The following FAM53C variants were observed in gnomAD, a reference collection of about 807,000 sequenced individuals.
FAM53C encodes the protein protein FAM53C.
FAM53C carries 10 observed loss-of-function variants against 34.7 expected under a neutral mutation model. The ratio of observed to expected loss-of-function variants is 0.29; its 90% CI spans 0.18 to 0.49. The LOEUF (loss-of-function observed/expected upper bound fraction) is 0.49, where lower values mean the gene tolerates loss of function less well. FAM53C is among the 20% of genes least tolerant of loss of function. FAM53C has a pLI of 0.99. For synonymous variants in FAM53C, 203 were observed against 203.6 expected (o/e 1.00, Z 0.03); for missense variants, 442 against 515.3 (o/e 0.86, Z 1.38).
upstream of FAM53C, chr5:138,338,180 G>A: frequency 7.8e-7 from 1 of 1,289,112 alleles, no homozygotes; most frequent in Non-Finnish European, 1.0e-6. Flanking sequence ...GATTCTGCGA[G>A]CCGGAGCTGT....
chr5:138,342,340 G>C (rs1218024627), intron 3 of FAM53C: 1 of 154,114 alleles, frequency 6.5e-6, no homozygotes, highest in Non-Finnish European at 1.4e-5. Context: ...TCGTTACATA[G>C]GTGTACATGT....
chr5:138,344,990 C>G lies in FAM53C; in HGVS notation c.302C>G (p.Pro101Arg). The part of the protein sequence containing the change: ...PFSQVLRPEP[P>R]DPEKLPVPPA... ...TCCCAAGTCCTAAGACCTGAGCCCC[C>G]AGATCCAGAGAAGCTTCCTGTGCCC... is the stretch of plus-strand genomic sequence containing the variant. The change falls in exon 4 of 5, where the codon CCA (proline) becomes CGA (arginine). Residue 101 changes from proline to arginine, a missense_variant. By Grantham distance (103) the Pro-to-Arg change is moderately radical. Coordinates refer to ENST00000239906, the MANE Select transcript of FAM53C (RefSeq NM_016605.3). 6.2e-7 allele frequency: 1 copy of G among 1,613,928 alleles called. No homozygotes were observed. Among genetic ancestry groups the G allele is most frequent in the Non-Finnish European group, 8.5e-7 (1 of 1,179,904 alleles).
chr5:138,344,860 TG>T lies in FAM53C; in HGVS notation c.173del (p.Cys58LeufsTer17). Reference protein sequence around the residue: ...ASWRGLPHCSCAEFQDSLNFS... With the variant: ...ASWRGLPHCSXAEFQDSLNFS... ...CTGGAGGGGCCTGCCCCACTGTTCC[TG>T]TGCTGAGTTCCAGGACAGCCTCAAC... is the stretch of plus-strand genomic sequence containing the variant. On this transcript the variant is annotated frameshift_variant, in exon 4 of 5. Coordinates refer to ENST00000239906, the MANE Select transcript of FAM53C (RefSeq NM_016605.3). LOFTEE classifies it high-confidence loss of function. The T allele has an allele frequency of 6.3e-7, 1 of 1,598,440 alleles. No homozygotes were observed. Among genetic ancestry groups the T allele is most frequent in the Admixed American group, 1.8e-5 (1 of 57,110 alleles).
At chr5:138,341,784 A>G (rs899400564) in intron 2 of FAM53C, 25 bp from the exon 3 acceptor site, 3 of 1,611,284 alleles carry the variant, frequency 1.9e-6, no homozygotes, top group Admixed American at 3.3e-5. Flanking sequence ...AATCCAAATC[A>G]TGATGGATAT....
rs541850859 is a variant in FAM53C at position 138,345,536 on chromosome 5, C to A, written c.848C>A (p.Thr283Asn). The A allele has an allele frequency of 1.2e-6, 2 of 1,614,018 alleles. No homozygotes were observed. Among genetic ancestry groups the A allele is most frequent in the Admixed American group, 1.7e-5 (1 of 60,016 alleles). ...SQPCDLDARK[T>N]GVKRRHEEDP... The stretch of plus-strand genomic sequence containing the variant: ...CCTTGTGATCTGGATGCCCGCAAAA[C>A]TGGGGTCAAGCGGCGCCACGAGGAA... The change falls in exon 4 of 5, where the codon ACT (threonine) becomes AAT (asparagine). Residue 283 changes from threonine (T) to asparagine (N), a missense_variant. Transcript: ENST00000239906. This position sits in a 1 kb window ranked among gnomAD's most constrained non-coding sequence, Gnocchi z 6.3.
rs1580852037 is a variant in FAM53C, at chr5:138,339,754, G to A, written c.-152-1430G>A. Among the ~76,000 whole-genome samples, 8 of 152,294 alleles carry A rather than the reference G, an allele frequency of 5.3e-5. 1 individual carries two copies. The highest frequency in any genetic ancestry group is 5.2e-4 in the Admixed American group (8 of 15,302). On this transcript the variant is annotated intron_variant, in intron 1 of 4. Coordinates refer to ENST00000239906, the MANE Select transcript of FAM53C (RefSeq NM_016605.3). Reference sequence around the variant, plus strand: ...CGGAAGCTAGAATTTTGTTCAGGGTGGTAATAATTATGCATGAAAATGATA... The same window carrying A: ...CGGAAGCTAGAATTTTGTTCAGGGTAGTAATAATTATGCATGAAAATGATA...
upstream of FAM53C, chr5:138,337,950 G>A: frequency 7.8e-7 from 1 of 1,289,178 alleles, no homozygotes; most frequent in Non-Finnish European, 1.0e-6. Flanking sequence ...CGATGCCTTT[G>A]TTTACCTTCT....
intron 4 of FAM53C, 135 bp from the exon 5 acceptor site, chr5:138,346,567 T>C: frequency 9.1e-7 from 1 of 1,099,942 alleles, no homozygotes; most frequent in African/African-American, 1.6e-5. Flanking sequence ...GAGCTTGCAG[T>C]GAGCCAAGAT....
rs746064598 is a variant in FAM53C, at chr5:138,338,300, G to T, written c.-160G>T. 80 of 638,976 alleles carry T rather than the reference G, an allele frequency of 1.3e-4. No homozygotes were observed. Among genetic ancestry groups the T allele is most frequent in the Admixed American group, 3.1e-4 (13 of 41,738 alleles). 39.6% of individuals were successfully genotyped at this position (638,976 alleles called of 1,614,324 possible). A position where few individuals can be genotyped will look rare whatever the true frequency, so the allele number is the denominator to read the frequency against. ...CCGGCCGCGGCCCTGGGAGCTGGAG[G>T]AACCGCGGTAGGTGGTGGAGGGCAG... On this transcript the variant is annotated 5_prime_UTR_variant, in exon 1 of 5. Coordinates refer to ENST00000239906, the MANE Select transcript of FAM53C (RefSeq NM_016605.3).
Position 138,345,504 on chromosome 5 carries a change from C to T in FAM53C, c.816C>T (p.Arg272=). 2 of 1,614,154 alleles carry T rather than the reference C, an allele frequency of 1.2e-6. No homozygotes were observed. Among genetic ancestry groups the T allele is most frequent in the Non-Finnish European group, 1.7e-6 (2 of 1,180,050 alleles). The stretch of plus-strand genomic sequence containing the variant: ...GTCTCCGCAACCTTCCCCGAAGCCG[C>T]TCACAGCCTTGTGATCTGGATGCCC... ...PRGLRNLPRS[R]SQPCDLDARK... is the part of the protein sequence containing the mutation. Residue 272 remains arginine (R), a synonymous_variant, in exon 4 of 5, where the codon CGC becomes CGT. Transcript: ENST00000239906. This position sits in a 1 kb window ranked among gnomAD's most constrained non-coding sequence, Gnocchi z 6.3.
At chr5:138,339,812 C>T (rs1221010702) in intron 1 of FAM53C, among the ~76,000 whole-genome samples, 1 of 152,328 alleles carries the variant, frequency 6.6e-6, no homozygotes, top group African/African-American at 2.4e-5. Context: ...TTCTCTTGCA[C>T]CTTTCTTCCA....
At chr5:138,338,398 ACCGCCCGCGCGGCCGGGCCTCGCTGG>A (rs1480646807) in intron 1 of FAM53C, 91 bp downstream of exon 1, 1 of 350,904 alleles carries the variant, frequency 2.8e-6, no homozygotes. Flanking sequence ...CCCCAGCCCG[ACCGCCCGCGCGGCCGGGCCTCGCTGG>A]CCGCCTCTGC....
At chr5:138,344,520 T>C (rs1761115595) in intron 3 of FAM53C, among the ~76,000 whole-genome samples, 2 of 152,226 alleles carry the variant, frequency 1.3e-5, no homozygotes, top group Admixed American at 6.5e-5. Flanking sequence ...GTAGATGAAA[T>C]GTTTTTGATT....
intron 1 of FAM53C, among the ~76,000 whole-genome samples, chr5:138,339,022 G>A (rs1760932133): frequency 6.6e-6 from 1 of 152,192 alleles, no homozygotes; most frequent in South Asian, 2.1e-4. Context: ...TTTATTTTTG[G>A]GGGCTGCTGG....
upstream of FAM53C, chr5:138,337,563 A>C: frequency 5.2e-6 from 1 of 191,618 alleles, no homozygotes. Context: ...GGGCGGAGAG[A>C]GAAGAGAGGG....
chr5:138,337,735 C>T (rs1418071158), upstream of FAM53C: 2 of 344,266 alleles, frequency 5.8e-6, no homozygotes, highest in Admixed American at 4.2e-5. Context: ...TCCGAGCAGG[C>T]CCTAATCCGC....
rs1761246929 is a variant in FAM53C at position 138,348,782 on chromosome 5, CTG to C, written c.*1826_*1827del. On this transcript the variant is annotated 3_prime_UTR_variant, in exon 5 of 5. Transcript: ENST00000239906. ...AGGCCCTCTAGAGAATCCAGGGAAA[CTG>C]TGAGCCCAGGAGTTGCCCATCTATG... 1.3e-5 allele frequency: 2 copies of C among 152,228 alleles called. No homozygotes were observed. Among genetic ancestry groups the C allele is most frequent in the African/African-American group, 4.8e-5 (2 of 41,444 alleles). The allele number at this position is 152,228 out of a possible 1,614,324, so 9.4% of individuals were successfully genotyped here. A position where few individuals can be genotyped will look rare whatever the true frequency, so the allele number is the denominator to read the frequency against.
chr5:138,338,203 C>A (rs766585607), upstream of FAM53C: 208 of 1,279,284 alleles, frequency 1.6e-4, 3 homozygotes, highest in South Asian at 2.4e-3. Context: ...CCCTACTCTC[C>A]TCAGGGACTC....
At chr5:138,344,067 A>G (rs972241060) in intron 3 of FAM53C, among the ~76,000 whole-genome samples, 2 of 152,194 alleles carry the variant, frequency 1.3e-5, no homozygotes, top group Non-Finnish European at 1.5e-5. Flanking sequence ...TTTGGTTGGA[A>G]TACAGTGAGT....
Sources: gnomAD v4.1 joint callset for allele counts (sites outside exome capture counted in the v4.1 genomes callset) on GRCh38, gnomAD v4.1.1 for gene constraint, Gnocchi (gnomAD v3.1) non-coding constraint, MANE v1.5 for transcripts, NCBI Gene and HGNC (gene_info 2026-07-23, HGNC 2026-07-21) for gene names.